The following ARG1 variants were observed in gnomAD, a reference collection of about 807,000 sequenced individuals.
The protein encoded by ARG1 is arginase-1.
ARG1 carries 20 observed loss-of-function variants against 33.0 expected under a neutral mutation model. The ratio of observed to expected loss-of-function variants is 0.61; its 90% CI spans 0.43 to 0.88. ARG1 has a LOEUF of 0.88. Among genes scored for constraint, ARG1 ranks in the 40% least tolerant of loss-of-function variants. The pLI is 0.00. For missense variants in ARG1, 374 were observed against 384.7 expected, an observed-to-expected ratio of 0.97 and a Z score of 0.23; for synonymous variants, 146 against 140.6, an observed-to-expected ratio of 1.04 and a Z score of -0.27.
At chr6:131,579,454 CTT>C (rs1444405485) in intron 3 of ARG1, 169 bp downstream of exon 3, 5 of 646,586 alleles carry the variant, frequency 7.7e-6, no homozygotes, top group African/African-American at 1.8e-5. Context: ...TAGAAACAGA[CTT>C]CGCTCAATTT....
At chr6:131,579,386 C>T in intron 3 of ARG1, 101 bp downstream of exon 3, 1 of 1,343,492 alleles carries the variant, frequency 7.4e-7, no homozygotes, top group Non-Finnish European at 1.0e-6. Flanking sequence ...AAAGCATTGA[C>T]CTATATTTTA....
At chr6:131,579,382 T>C (rs1773799867) in intron 3 of ARG1, 97 bp downstream of exon 3, 9 of 1,368,134 alleles carry the variant, frequency 6.6e-6, no homozygotes, top group Non-Finnish European at 9.0e-6. Flanking sequence ...CAGAAAAGCA[T>C]TGACCTATAT....
Position 131,584,109 on chromosome 6 carries a change from A to AT in ARG1, c.*205dup, listed in dbSNP as rs1774081931. 3.3e-6 allele frequency: 2 copies of AT among 614,348 alleles called. No individual in the cohort carries two copies. The highest frequency in any genetic ancestry group is 5.5e-6 in the Non-Finnish European group (2 of 365,476). 38.1% of individuals were successfully genotyped at this position (614,348 alleles called of 1,614,324 possible). ...ACTTTTTTGAAATTTAAAAGCTTAT[A>AT]TTTTCTAACTTGGCAAAAGACTTAT... On this transcript the variant is annotated 3_prime_UTR_variant, in exon 8 of 8. Transcript: ENST00000368087.
intron 1 of ARG1, chr6:131,574,092 C>T: frequency 1.5e-6 from 1 of 667,574 alleles, no homozygotes; most frequent in Non-Finnish European, 2.7e-6. Context: ...CACACTTATT[C>T]TAGTAAAGAG....
chr6:131,575,981 G>A (rs1383595107), intron 1 of ARG1, among the ~76,000 whole-genome samples: 2 of 152,112 alleles, frequency 1.3e-5, no homozygotes, highest in African/African-American at 2.4e-5. Flanking sequence ...GTACATGCAC[G>A]TAGGTCTCTT....
chr6:131,576,829 T>C (rs1219514905), intron 2 of ARG1, 94 bp downstream of exon 2: 1 of 1,139,856 alleles, frequency 8.8e-7, no homozygotes, highest in East Asian at 2.5e-5. Flanking sequence ...TCTGGAATAT[T>C]TACATCAGAA....
chr6:131,582,814 G>GACACAC, intron 5 of ARG1, 99 bp downstream of exon 5: 1 of 911,882 alleles, frequency 1.1e-6, no homozygotes, highest in Non-Finnish European at 1.8e-6. Context: ...TAAACATCAA[G>GACACAC]ACACACACAC....
intron 4 of ARG1, 22 bp from the exon 5 acceptor site, chr6:131,582,599 A>G: frequency 6.3e-7 from 1 of 1,586,768 alleles, no homozygotes; most frequent in Non-Finnish European, 8.7e-7. Context: ...TACATAACCA[A>G]GTGAAAACAT....
rs753347547 is a variant in ARG1 at position 131,579,157 on chromosome 6, T to A, written c.177T>A (p.Pro59=). The A allele has an allele frequency of 4.3e-6, 7 of 1,614,180 alleles. No homozygotes were observed. Among genetic ancestry groups the A allele is most frequent in the Non-Finnish European group, 5.9e-6 (7 of 1,180,016 alleles). ...GGGACCTGCCCTTTGCTGACATCCCTAATGACAGTCCCTTTCAAATTGTGA... is the reference window on the plus strand; with the variant it reads ...GGGACCTGCCCTTTGCTGACATCCCAAATGACAGTCCCTTTCAAATTGTGA... ...DYGDLPFADI[P]NDSPFQIVKN... is the part of the protein sequence containing the mutation. The change falls in exon 3 of 8, where the codon CCT becomes CCA. Residue 59 remains proline, a synonymous_variant. Transcript: ENST00000368087.
chr6:131,583,951 T>A lies in ARG1; in HGVS notation c.*43T>A. 6.3e-7 allele frequency: 1 copy of A among 1,596,624 alleles called. No individual in the cohort carries two copies. Among genetic ancestry groups the A allele is most frequent in the Non-Finnish European group, 8.6e-7 (1 of 1,164,690 alleles). The stretch of plus-strand genomic sequence containing the variant: ...ATAAATCTCATAGTTAATGGCATAA[T>A]TAGAAAGCTAATCATTTTCTTAAGC... On this transcript the variant is annotated 3_prime_UTR_variant, in exon 8 of 8. Transcript: ENST00000368087.
intron 3 of ARG1, 148 bp from the exon 4 acceptor site, chr6:131,581,071 A>T: frequency 1.3e-6 from 1 of 746,646 alleles, no homozygotes; most frequent in Non-Finnish European, 2.3e-6. Context: ...CTATTGTTTT[A>T]ACTAATTGGC....
chr6:131,582,283 A>T (rs553850577), intron 4 of ARG1, among the ~76,000 whole-genome samples: 1 of 152,296 alleles, frequency 6.6e-6, no homozygotes, highest in South Asian at 2.1e-4. Context: ...GCTCTAGGCC[A>T]TCCTCTGGAT....
At position 131,574,031 on chromosome 6, in the gene ARG1, G is replaced by A. The variant is rs570263744; in HGVS notation, c.57+692G>A. 7.6e-6 allele frequency: 4 copies of A among 523,776 alleles called. No individual in the cohort carries two copies. In the East Asian group the frequency reaches 1.3e-4, roughly 17 times the overall value. 32.4% of individuals were successfully genotyped at this position (523,776 alleles called of 1,614,324 possible). A position where few individuals can be genotyped will look rare whatever the true frequency, so the allele number is the denominator to read the frequency against. On this transcript the variant is annotated intron_variant, in intron 1 of 7. Coordinates refer to ENST00000368087, the MANE Select transcript of ARG1 (RefSeq NM_000045.4). ...CCAGATTTCCTTACAGCCACGAGCT[G>A]TGAATCCACACATGCCAGCAACATT...
intron 4 of ARG1, among the ~76,000 whole-genome samples, chr6:131,582,066 TATG>T (rs1203682571): frequency 6.6e-6 from 1 of 152,248 alleles, no homozygotes. Flanking sequence ...ATTTGGTCCT[TATG>T]ATGATACAAG....
chr6:131,581,383 A>T lies in ARG1; in HGVS notation c.465+5A>T. 1.9e-6 allele frequency: 3 copies of T among 1,611,422 alleles called. No homozygotes were observed. On this transcript the variant is annotated splice_donor_5th_base_variant and intron_variant, in intron 4 of 7. Transcript: ENST00000368087. Reference sequence around the variant, plus strand: ...CTGAAGGAACTAAAAGGAAAGGTAAAAGACTGGTTGGTACTCTAGTGCAAT... The same window carrying T: ...CTGAAGGAACTAAAAGGAAAGGTAATAGACTGGTTGGTACTCTAGTGCAAT...
At chr6:131,575,113 A>G (rs1773551626) in intron 1 of ARG1, among the ~76,000 whole-genome samples, 1 of 152,222 alleles carries the variant, frequency 6.6e-6, no homozygotes, top group Non-Finnish European at 1.5e-5. Context: ...AGCCATTTGA[A>G]TAAAACAAAT....
chr6:131,573,757 T>C (rs536616233), intron 1 of ARG1, among the ~76,000 whole-genome samples: 85 of 152,250 alleles, frequency 5.6e-4, no homozygotes, highest in African/African-American at 2.0e-3. Flanking sequence ...CCTAGAAAAA[T>C]TTAATAGTTT....
In ARG1 at chr6:131,576,490, C is replaced by A. The variant is rs1773618362; in HGVS notation, c.58-173C>A. On this transcript the variant is annotated intron_variant, in intron 1 of 7. Coordinates refer to ENST00000368087, the MANE Select transcript of ARG1 (RefSeq NM_000045.4). The stretch of plus-strand genomic sequence containing the variant: ...AGTTCTTTCTATTTGGCATAAAAGT[C>A]ATTCAGTCTACCTTGCTGTGAAGAT... The A allele has an allele frequency of 1.7e-5, 11 of 640,584 alleles. No individual in the cohort carries two copies. The South Asian group carries it at 2.0e-4, about 12-fold the overall frequency. The allele number at this position is 640,584 out of a possible 1,614,324, so 39.7% of individuals were successfully genotyped here.
At chr6:131,573,588 T>A (rs1218602378) in intron 1 of ARG1, among the ~76,000 whole-genome samples, 8 of 152,194 alleles carry the variant, frequency 5.3e-5, no homozygotes, top group Non-Finnish European at 7.3e-5. Context: ...TTCTCATATT[T>A]TTTAGGAGAA....
Sources: gnomAD v4.1 joint callset for allele counts (sites outside exome capture counted in the v4.1 genomes callset) on GRCh38, gnomAD v4.1.1 for gene constraint, MANE v1.5 for transcripts, NCBI Gene and HGNC (gene_info 2026-07-23, HGNC 2026-07-21) for gene names.